The following CORO1C variants were observed in gnomAD, a reference collection of about 807,000 sequenced individuals.
The protein encoded by CORO1C is coronin-1C.
Under a neutral mutation model 51.2 loss-of-function variants are expected in CORO1C, and 14 were observed. That is an observed-to-expected ratio of 0.27 (90% CI 0.18 to 0.43). The LOEUF (loss-of-function observed/expected upper bound fraction) is 0.43, where lower values mean the gene tolerates loss of function less well. Among genes scored for constraint, CORO1C ranks in the 20% least tolerant of loss-of-function variants. The pLI is 1.00. For synonymous variants in CORO1C, 181 were observed against 210.5 expected (o/e 0.86, Z 1.21); for missense variants, 417 against 607.8 (o/e 0.69, Z 3.30).
chr12:108,683,603 C>T (rs1449828133), intron 2 of CORO1C, among the ~76,000 whole-genome samples: 1 of 151,942 alleles, frequency 6.6e-6, no homozygotes, highest in African/African-American at 2.4e-5. Flanking sequence ...TAACATTTGA[C>T]AATATATATA....
chr12:108,714,968 A>G (rs974086870), intron 1 of CORO1C, among the ~76,000 whole-genome samples: 1 of 152,178 alleles, frequency 6.6e-6, no homozygotes, highest in Non-Finnish European at 1.5e-5. Context: ...CGCATTGCAG[A>G]GCGTAATGTG....
chr12:108,708,311 A>C (rs2035084121), intron 1 of CORO1C, among the ~76,000 whole-genome samples: 1 of 152,222 alleles, frequency 6.6e-6, no homozygotes, highest in Non-Finnish European at 1.5e-5. Flanking sequence ...AATAAAAAGG[A>C]ATGAAGTACT....
At chr12:108,688,311 A>T (rs563751895) in intron 2 of CORO1C, among the ~76,000 whole-genome samples, 9 of 151,968 alleles carry the variant, frequency 5.9e-5, no homozygotes, top group Admixed American at 2.0e-4. Context: ...TGAGTACAAT[A>T]AAAAAAACTG....
At chr12:108,690,295 G>A (rs201627462) in intron 2 of CORO1C, among the ~76,000 whole-genome samples, 2 of 135,954 alleles carry the variant, frequency 1.5e-5, no homozygotes, top group Non-Finnish European at 1.7e-5. Context: ...AAAAGGAGGT[G>A]CTCTGGAATA....
At chr12:108,656,378 G>C (rs2033009208) in intron 6 of CORO1C, among the ~76,000 whole-genome samples, 1 of 149,790 alleles carries the variant, frequency 6.7e-6, no homozygotes, top group Non-Finnish European at 1.5e-5. Flanking sequence ...GTCCGGGAGG[G>C]AGGTGGGGGG....
intron 4 of CORO1C, 41 bp downstream of exon 4, chr12:108,661,988 G>T (rs1346168269): frequency 6.2e-7 from 1 of 1,612,268 alleles, no homozygotes; most frequent in Non-Finnish European, 8.5e-7. Context: ...AGAGCCACAA[G>T]AGTGGAAGAC....
At chr12:108,713,687 A>G (rs943521252) in intron 1 of CORO1C, among the ~76,000 whole-genome samples, 2 of 152,202 alleles carry the variant, frequency 1.3e-5, no homozygotes, top group Non-Finnish European at 2.9e-5. Flanking sequence ...AAGATAAAGA[A>G]CTTCTGAGAA....
chr12:108,696,681 A>T (rs2034698310), intron 2 of CORO1C, among the ~76,000 whole-genome samples: 1 of 152,268 alleles, frequency 6.6e-6, no homozygotes, highest in African/African-American at 2.4e-5. Context: ...ACTTATGTTC[A>T]GCAAGACTGC....
chr12:108,654,360 C>G lies in CORO1C; in HGVS notation c.801G>C (p.Gly267=), dbSNP rs1427354558. 6.2e-7 allele frequency: 1 copy of G among 1,613,512 alleles called. No individual in the cohort carries two copies. Among genetic ancestry groups the G allele is most frequent in the South Asian group, 1.1e-5 (1 of 91,040 alleles). The change falls in exon 7 of 11, where the codon GGG becomes GGC. Residue 267 remains glycine, a synonymous_variant. Coordinates refer to ENST00000261401, the MANE Select transcript of CORO1C (RefSeq NM_014325.4). ...IALHEMDTSN[G]VLLPFYDPDT... Reference sequence around the variant, plus strand: ...CAGGGTCATAGAAAGGCAGCAACACCCCATTGCTAGTGTCCATCTCATGAA... The same window carrying G: ...CAGGGTCATAGAAAGGCAGCAACACGCCATTGCTAGTGTCCATCTCATGAA...
At position 108,704,132 on chromosome 12, in the gene CORO1C, T is replaced by C. The variant is rs192473460; in HGVS notation, c.-5-2809A>G. 1.5e-3 allele frequency among the ~76,000 whole-genome samples: 229 copies of C among 152,320 alleles called. 1 individual carries two copies. Among genetic ancestry groups the C allele is most frequent in the Middle Eastern group, 6.8e-3 (2 of 294 alleles). On this transcript the variant is annotated intron_variant, in intron 1 of 10. Coordinates refer to ENST00000261401, the MANE Select transcript of CORO1C (RefSeq NM_014325.4). ...AAATATGTAAAATGCTTTGTCTTCATTGAAAGATACTATACAAATCTTCTG... is the reference window on the plus strand; with the variant it reads ...AAATATGTAAAATGCTTTGTCTTCACTGAAAGATACTATACAAATCTTCTG...
chr12:108,684,851 A>T (rs1592900364), intron 2 of CORO1C, among the ~76,000 whole-genome samples: 1 of 152,282 alleles, frequency 6.6e-6, no homozygotes, highest in East Asian at 1.9e-4. Flanking sequence ...ACACCAATGC[A>T]TTATTATTAA....
chr12:108,653,016 A>C (rs1319964095), intron 7 of CORO1C: 1 of 152,796 alleles, frequency 6.5e-6, no homozygotes, highest in Non-Finnish European at 1.5e-5. Context: ...AGTACAAATA[A>C]TTGTCACACA....
chr12:108,698,453 G>A (rs866364742), intron 2 of CORO1C, among the ~76,000 whole-genome samples: 1 of 152,188 alleles, frequency 6.6e-6, no homozygotes. Context: ...TGTCGTCCAG[G>A]CTGGAGTGCA....
intron 6 of CORO1C, among the ~76,000 whole-genome samples, chr12:108,655,067 G>T (rs1232358548): frequency 3.6e-5 from 5 of 138,138 alleles, no homozygotes; most frequent in Admixed American, 1.5e-4. Flanking sequence ...AAAGTTGAAA[G>T]ATATAAAAAA....
At position 108,654,637 on chromosome 12, in the gene CORO1C, C is replaced by G. The variant is rs140931985; in HGVS notation, c.751-227G>C. 2.3e-3 allele frequency among the ~76,000 whole-genome samples: 352 copies of G among 152,110 alleles called. 2 individuals carry two copies. Among genetic ancestry groups the G allele is most frequent in the African/African-American group, 7.9e-3 (328 of 41,502 alleles). The stretch of plus-strand genomic sequence containing the variant: ...TTCACTGATTTGACAACATAATGCG[C>G]GCATACATCAGCGTGATTTCATGAC... On this transcript the variant is annotated intron_variant, in intron 6 of 10. Transcript: ENST00000261401.
intron 1 of CORO1C, among the ~76,000 whole-genome samples, chr12:108,711,918 C>T (rs1323156002): frequency 1.3e-5 from 2 of 152,076 alleles, no homozygotes; most frequent in East Asian, 1.9e-4. Flanking sequence ...AGCAGATGTA[C>T]TTCTATGGTT....
intron 5 of CORO1C, among the ~76,000 whole-genome samples, chr12:108,657,850 T>C (rs892004079): frequency 6.6e-6 from 1 of 152,200 alleles, no homozygotes; most frequent in African/African-American, 2.4e-5. Flanking sequence ...TTGACCTCAG[T>C]AGTTTAATGA....
intron 4 of CORO1C, 138 bp from the exon 5 acceptor site, chr12:108,659,057 C>T (rs1036608247): frequency 3.3e-6 from 3 of 896,908 alleles, no homozygotes; most frequent in Non-Finnish European, 4.6e-6. Context: ...AGAAAAGATG[C>T]GGCTGATTGT....
intron 4 of CORO1C, among the ~76,000 whole-genome samples, chr12:108,661,472 C>T (rs922886366): frequency 1.4e-4 from 21 of 152,164 alleles, no homozygotes; most frequent in African/African-American, 3.9e-4. Context: ...AAATATCTTT[C>T]GGAAAGAAAC....
Sources: gnomAD v4.1 joint callset for allele counts (sites outside exome capture counted in the v4.1 genomes callset) on GRCh38, gnomAD v4.1.1 for gene constraint, MANE v1.5 for transcripts, NCBI Gene and HGNC (gene_info 2026-07-23, HGNC 2026-07-21) for gene names.